DNAH3: variants seen among roughly 807,000 people sequenced by gnomAD.
DNAH3 encodes the protein axonemal beta dynein heavy chain 3.
Under a neutral mutation model 432.5 loss-of-function variants are expected in DNAH3, and 332 were observed. That is an observed-to-expected ratio of 0.77 (90% CI 0.70 to 0.84). The LOEUF (loss-of-function observed/expected upper bound fraction) is 0.84. DNAH3 is among the 40% of genes least tolerant of loss of function. The pLI, the probability that DNAH3 is intolerant of heterozygous loss-of-function variation, is 0.00. For synonymous variants in DNAH3, 1,956 were observed against 1,900.2 expected (o/e 1.03, Z -0.76); for missense variants, 4,861 against 5,114.0 (o/e 0.95, Z 1.51).
chr16:20,988,168 T>G (rs2086303132), intron 44 of DNAH3, 103 bp from the exon 45 acceptor site: 1 of 1,497,686 alleles, frequency 6.7e-7, no homozygotes, highest in Admixed American at 1.8e-5. Context: ...TCTGCCTTCA[T>G]GTTCCAGAGC....
chr16:20,971,721 G>A (rs1417839331), intron 51 of DNAH3, among the ~76,000 whole-genome samples: 5 of 152,136 alleles, frequency 3.3e-5, no homozygotes, highest in African/African-American at 1.2e-4. Context: ...CCAACAAGTC[G>A]CTGTTTGGCC....
intron 56 of DNAH3, among the ~76,000 whole-genome samples, chr16:20,950,746 CAT>C (rs1312407550): frequency 8.5e-5 from 13 of 152,172 alleles, no homozygotes; most frequent in Admixed American, 6.5e-5. Context: ...TCATTTAGCA[CAT>C]GTCTATTCTT....
chr16:21,077,784 T>G (rs1367612080), intron 20 of DNAH3, among the ~76,000 whole-genome samples: 1 of 152,080 alleles, frequency 6.6e-6, no homozygotes, highest in African/African-American at 2.4e-5. Context: ...CATCCTTGAG[T>G]GTAGAAGAGA....
At chr16:20,978,255 C>A (rs202028345) in intron 50 of DNAH3, among the ~76,000 whole-genome samples, 1 of 152,088 alleles carries the variant, frequency 6.6e-6, no homozygotes, top group African/African-American at 2.4e-5. Context: ...GGTGGCCGGG[C>A]GGGTGGCTCA....
chr16:21,146,649 T>C (rs563375813), intron 1 of DNAH3, among the ~76,000 whole-genome samples: 1 of 152,342 alleles, frequency 6.6e-6, no homozygotes, highest in East Asian at 1.9e-4. Context: ...TACAATATAT[T>C]GTTAATTAGT....
chr16:21,120,664 G>A, intron 11 of DNAH3: 1 of 1,127,792 alleles, frequency 8.9e-7, no homozygotes, highest in Non-Finnish European at 1.3e-6. Context: ...ATTCACATAG[G>A]CCTTGTTTTC....
intron 55 of DNAH3, among the ~76,000 whole-genome samples, chr16:20,954,112 A>G (rs1376122297): frequency 6.6e-6 from 1 of 151,164 alleles, no homozygotes; most frequent in East Asian, 2.0e-4. Context: ...AGTTCCAGCT[A>G]CTGGGGAGGC....
At chr16:20,988,795 T>C (rs2086362360) in intron 44 of DNAH3, among the ~76,000 whole-genome samples, 1 of 152,208 alleles carries the variant, frequency 6.6e-6, no homozygotes, top group Non-Finnish European at 1.5e-5. Flanking sequence ...GTGGCGCGTC[T>C]GGAGGTTGTT....
At chr16:20,948,556 T>G (rs1169172350) in exon 57 of DNAH3, 2 of 1,614,018 alleles carry the variant, frequency 1.2e-6, no homozygotes, top group Non-Finnish European at 1.7e-6. Flanking sequence ...CTCAATTTCC[T>G]TACAGTAGAA....
At position 21,040,358 on chromosome 16, in the gene DNAH3, ATTT is replaced by A. The variant is rs55797285; in HGVS notation, c.4639-418_4639-416del. ...TCAGAAGAATCCCAAAGCCAGACAG[ATTT>A]TTTTTTTTTTTTTTTTTTTTTTTTT... is the stretch of plus-strand genomic sequence containing the variant. On this transcript the variant is annotated intron_variant, in intron 32 of 61. Coordinates refer to ENST00000261383, the Ensembl canonical transcript of DNAH3. Among the ~76,000 whole-genome samples the A allele has an allele frequency of 1.5e-3, 122 of 79,730 alleles. 4 individuals are homozygous for A. The highest frequency in any genetic ancestry group is 3.0e-3 in the African/African-American group (53 of 17,758). The allele number at this position is 79,730 out of a possible 152,430, so 52.3% of individuals were successfully genotyped here. A position where few individuals can be genotyped will look rare whatever the true frequency, so the allele number is the denominator to read the frequency against.
intron 24 of DNAH3, among the ~76,000 whole-genome samples, chr16:21,064,581 C>G (rs1179511683): frequency 6.6e-6 from 1 of 152,106 alleles, no homozygotes; most frequent in African/African-American, 2.4e-5. Context: ...TAACAAATAT[C>G]CAGTGAGATG....
rs541745449 is a variant in DNAH3, at chr16:21,156,792, G to A, written c.117+2533C>T. ...TCCCAGCCCTGGAGGAACACATGAT[G>A]TGATGGAGGAAGCATCTATCACACA... On this transcript the variant is annotated intron_variant, in intron 1 of 61. Coordinates refer to ENST00000261383, the Ensembl canonical transcript of DNAH3. Among the ~76,000 whole-genome samples, 7 of 152,258 alleles carry A rather than the reference G, an allele frequency of 4.6e-5. No homozygotes were observed. In the East Asian group the frequency reaches 1.2e-3, roughly 25 times the overall value.
intron 41 of DNAH3, among the ~76,000 whole-genome samples, chr16:21,014,460 G>C (rs2087763703): frequency 6.6e-6 from 1 of 152,160 alleles, no homozygotes; most frequent in South Asian, 2.1e-4. Flanking sequence ...TTGTCAACTT[G>C]ATAAAGAATA....
At chr16:20,983,314 C>T (rs968360873) in intron 48 of DNAH3, among the ~76,000 whole-genome samples, 6 of 151,818 alleles carry the variant, frequency 4.0e-5, no homozygotes, top group East Asian at 1.9e-4. Flanking sequence ...TTAGTAGAGA[C>T]GGGGTTTCAC....
intron 54 of DNAH3, 55 bp from the exon 55 acceptor site, chr16:20,955,112 A>C: frequency 6.7e-7 from 1 of 1,497,812 alleles, no homozygotes; most frequent in African/African-American, 1.4e-5. Flanking sequence ...TATAGTGAAA[A>C]GCAACAACAA....
intron 40 of DNAH3, among the ~76,000 whole-genome samples, chr16:21,021,338 G>C (rs572467258): frequency 1.4e-3 from 214 of 152,218 alleles, no homozygotes; most frequent in Non-Finnish European, 2.7e-3. Flanking sequence ...GGTAAGACAG[G>C]GGTCCTGCTA....
At chr16:21,119,602 T>C (rs1268307398) in intron 11 of DNAH3, among the ~76,000 whole-genome samples, 3 of 134,366 alleles carry the variant, frequency 2.2e-5, no homozygotes, top group Non-Finnish European at 4.6e-5. Context: ...AAAAAAATTC[T>C]TTTTTTTTTT....
intron 35 of DNAH3, among the ~76,000 whole-genome samples, chr16:21,034,479 C>G (rs2089062819): frequency 6.6e-6 from 1 of 152,184 alleles, no homozygotes; most frequent in African/African-American, 2.4e-5. Context: ...GGCTATTTGA[C>G]TTTAACGCCT....
intron 56 of DNAH3, among the ~76,000 whole-genome samples, chr16:20,951,454 T>G (rs2152577846): frequency 6.6e-6 from 1 of 151,536 alleles, no homozygotes; most frequent in African/African-American, 2.4e-5. Context: ...CTTTTTTTTT[T>G]TTTCTTCTGA....
Sources: gnomAD v4.1 joint callset for allele counts (sites outside exome capture counted in the v4.1 genomes callset) on GRCh38, gnomAD v4.1.1 for gene constraint, MANE v1.5 for transcripts, NCBI Gene and HGNC (gene_info 2026-07-23, HGNC 2026-07-21) for gene names.